LMCD1: variants seen among roughly 807,000 people sequenced by gnomAD.
The protein encoded by LMCD1 is LIM and cysteine-rich domains protein 1.
LMCD1 carries 32 observed loss-of-function variants against 42.7 expected under a neutral mutation model. That is an observed-to-expected ratio of 0.75 (90% CI 0.57 to 1.01). The LOEUF (loss-of-function observed/expected upper bound fraction) is 1.01. Among genes scored for constraint, LMCD1 ranks in the 50% least tolerant of loss-of-function variants. LMCD1 has a pLI of 0.00. For missense variants in LMCD1, 458 were observed against 483.1 expected, an observed-to-expected ratio of 0.95 and a Z score of 0.49; for synonymous variants, 178 against 184.9, an observed-to-expected ratio of 0.96 and a Z score of 0.30.
intron 1 of LMCD1, among the ~76,000 whole-genome samples, chr3:8,502,337 TTA>T (rs1693759098): frequency 7.2e-5 from 2 of 27,938 alleles, no homozygotes; most frequent in Admixed American, 8.3e-4. Context: ...ATAATATATA[TTA>T]TATATAAAAT....
At position 8,565,779 on chromosome 3, in the gene LMCD1, T is replaced by A. The variant is rs567436802; in HGVS notation, c.939+132T>A. 3.2e-5 allele frequency: 26 copies of A among 820,466 alleles called. No individual in the cohort carries two copies. In the South Asian group the frequency reaches 4.3e-4, roughly 13 times the overall value. 50.8% of individuals were successfully genotyped at this position (820,466 alleles called of 1,614,324 possible). On this transcript the variant is annotated intron_variant, in intron 5 of 5. Transcript: ENST00000157600. ...TTGGGAAACTGAAGTCAGGCCTCAC[T>A]GCATGCTCTCAACCTTCATTTTCTC...
At chr3:8,519,281 A>C (rs889349820) in intron 1 of LMCD1, among the ~76,000 whole-genome samples, 1 of 152,232 alleles carries the variant, frequency 6.6e-6, no homozygotes, top group African/African-American at 2.4e-5. Flanking sequence ...GAAGTTTGTT[A>C]GGTAAAGGAA....
intron 2 of LMCD1, among the ~76,000 whole-genome samples, chr3:8,533,854 C>T (rs1694460598): frequency 6.6e-6 from 1 of 151,922 alleles, no homozygotes; most frequent in Non-Finnish European, 1.5e-5. Flanking sequence ...GGGCTATGAG[C>T]TTTCAGAGCA....
At chr3:8,555,050 T>A (rs1427519012) in intron 4 of LMCD1, among the ~76,000 whole-genome samples, 4 of 152,054 alleles carry the variant, frequency 2.6e-5, no homozygotes, top group Non-Finnish European at 4.4e-5. Context: ...GAAGTGAAGA[T>A]GTTCCCCACA....
intron 1 of LMCD1, among the ~76,000 whole-genome samples, chr3:8,502,569 TACAC>T (rs5846600): frequency 0.12 from 15,448 of 134,114 alleles, 1,184 homozygotes; most frequent in Middle Eastern, 0.22. Flanking sequence ...TTTCCCCCAA[TACAC>T]ACACACACAC....
intron 1 of LMCD1, among the ~76,000 whole-genome samples, chr3:8,517,649 C>T (rs191713340): frequency 6.6e-6 from 1 of 152,296 alleles, no homozygotes; most frequent in Admixed American, 6.5e-5. Flanking sequence ...GAGGAAGTCT[C>T]CTTCTGATGC....
chr3:8,508,064 A>T (rs1255830002), intron 1 of LMCD1, among the ~76,000 whole-genome samples: 3 of 152,204 alleles, frequency 2.0e-5, no homozygotes, highest in Admixed American at 2.0e-4. Context: ...GGTATAGAAT[A>T]AAGACTTTCT....
At chr3:8,542,474 C>A (rs1406456556) in intron 3 of LMCD1, among the ~76,000 whole-genome samples, 2 of 152,112 alleles carry the variant, frequency 1.3e-5, no homozygotes, top group Admixed American at 6.5e-5. Flanking sequence ...ATCTGGCTGG[C>A]GAAGCCGCTG....
chr3:8,563,820 G>A (rs1695081668), intron 4 of LMCD1, among the ~76,000 whole-genome samples: 1 of 152,186 alleles, frequency 6.6e-6, no homozygotes, highest in Non-Finnish European at 1.5e-5. Flanking sequence ...ACAAGTGAGG[G>A]CGACAGTATG....
At position 8,570,397 on chromosome 3, in the gene LMCD1, C is replaced by T. The variant is rs1695193502; in HGVS notation, c.*2799C>T. ...AAACCCCAGCACAATGCATGATTGA[C>T]TTGGTCCACTGGGTCACACCATCAT... On this transcript the variant is annotated 3_prime_UTR_variant, in exon 6 of 6. Coordinates refer to ENST00000157600, the MANE Select transcript of LMCD1 (RefSeq NM_014583.4). The T allele has an allele frequency of 6.6e-6, 1 of 151,614 alleles. No homozygotes were observed. Among genetic ancestry groups the T allele is most frequent in the Non-Finnish European group, 1.5e-5 (1 of 68,112 alleles). 9.4% of individuals were successfully genotyped at this position (151,614 alleles called of 1,614,324 possible). A position where few individuals can be genotyped will look rare whatever the true frequency, so the allele number is the denominator to read the frequency against.
At chr3:8,559,801 G>C (rs1694997475) in intron 4 of LMCD1, among the ~76,000 whole-genome samples, 1 of 152,204 alleles carries the variant, frequency 6.6e-6, no homozygotes, top group South Asian at 2.1e-4. Context: ...GGCAAGAAGA[G>C]CACATTTCAT....
At chr3:8,521,555 G>A (rs1381692844) in intron 1 of LMCD1, among the ~76,000 whole-genome samples, 2 of 152,282 alleles carry the variant, frequency 1.3e-5, no homozygotes, top group East Asian at 1.9e-4. Context: ...CTGTCCAAAC[G>A]TCCCTCACAT....
At chr3:8,503,271 C>T (rs1252303752) in intron 1 of LMCD1, among the ~76,000 whole-genome samples, 2 of 152,234 alleles carry the variant, frequency 1.3e-5, no homozygotes, top group Non-Finnish European at 2.9e-5. Flanking sequence ...AGAGGCACAG[C>T]ATGCACTGTC....
intron 1 of LMCD1, among the ~76,000 whole-genome samples, chr3:8,511,012 TG>T (rs1693987326): frequency 6.6e-6 from 1 of 152,236 alleles, no homozygotes; most frequent in African/African-American, 2.4e-5. Context: ...GATTGAGGTC[TG>T]AGGCTCTTGG....
intron 1 of LMCD1, chr3:8,514,925 A>G (rs560934419): frequency 4.4e-6 from 2 of 456,578 alleles, no homozygotes; most frequent in South Asian, 3.1e-5. Context: ...GTTTATCTAG[A>G]TGGTGATCAC....
In LMCD1 at chr3:8,571,990, G is replaced by A. The variant is rs1001995561; in HGVS notation, c.*4392G>A. ...ATGTGTTTCTACCATGTAATCCTCA[G>A]ATCCAATTCAAGTGTCACCAGCTGT... On this transcript the variant is annotated 3_prime_UTR_variant, in exon 6 of 6. Transcript: ENST00000157600. 1 of 152,176 alleles carries A rather than the reference G, an allele frequency of 6.6e-6. No homozygotes were observed. Among genetic ancestry groups the A allele is most frequent in the Non-Finnish European group, 1.5e-5 (1 of 68,022 alleles). 9.4% of individuals were successfully genotyped at this position (152,176 alleles called of 1,614,324 possible).
At chr3:8,557,891 A>G (rs2125037303) in intron 4 of LMCD1, among the ~76,000 whole-genome samples, 1 of 152,282 alleles carries the variant, frequency 6.6e-6, no homozygotes, top group African/African-American at 2.4e-5. Flanking sequence ...AATCACCTGA[A>G]GCTCGTTCAC....
At chr3:8,541,373 A>G (rs1217915291) in intron 3 of LMCD1, among the ~76,000 whole-genome samples, 1 of 152,076 alleles carries the variant, frequency 6.6e-6, no homozygotes, top group Non-Finnish European at 1.5e-5. Context: ...AACATGGTGA[A>G]ACCCCTCTCT....
At chr3:8,560,833 G>T (rs750137356) in intron 4 of LMCD1, among the ~76,000 whole-genome samples, 6 of 152,172 alleles carry the variant, frequency 3.9e-5, no homozygotes, top group Non-Finnish European at 7.3e-5. Flanking sequence ...ATTCTTGGGG[G>T]TGTAACTGAA....
Sources: allele counts gnomAD v4.1 joint callset (sites outside exome capture counted in the v4.1 genomes callset), GRCh38; gene constraint gnomAD v4.1.1; transcripts MANE v1.5; gene names NCBI Gene and HGNC (gene_info 2026-07-23, HGNC 2026-07-21).